Variants in DLEU7 observed in about 807,000 individuals in gnomAD.
DLEU7 encodes the protein leukemia-associated protein 7.
A neutral mutation model predicts 16.0 loss-of-function variants in DLEU7; 17 were observed. The ratio of observed to expected loss-of-function variants is 1.06; its 90% CI spans 0.73 to 1.59. The LOEUF (loss-of-function observed/expected upper bound fraction) is 1.59. Ranked by LOEUF, DLEU7 falls within the 40% of genes most tolerant of loss-of-function variation. DLEU7 has a pLI of 0.00. For synonymous variants in DLEU7, 113 were observed against 139.8 expected, an observed-to-expected ratio of 0.81 and a Z score of 1.35; for missense variants, 308 against 314.9, an observed-to-expected ratio of 0.98 and a Z score of 0.17.
At position 50,713,918 on chromosome 13, in the gene DLEU7, G is replaced by A. The variant is rs370772326; in HGVS notation, c.460-678C>T. Among the ~76,000 whole-genome samples, 7 of 152,158 alleles carry A rather than the reference G, an allele frequency of 4.6e-5. No homozygotes were observed. The East Asian group carries it at 7.7e-4, about 17-fold the overall frequency. On this transcript the variant is annotated intron_variant, in intron 1 of 1. Coordinates refer to the DLEU7 transcript ENST00000400393. ...TGTGAAAACGACCCAGACTCTGCCC[G>A]CATGTGGCCTCCCGGACCGGGCAGT...
At chr13:50,793,490 T>C (rs1412861427) in intron 1 of DLEU7, among the ~76,000 whole-genome samples, 1 of 152,230 alleles carries the variant, frequency 6.6e-6, no homozygotes, top group African/African-American at 2.4e-5. Flanking sequence ...AGGGTTCCCT[T>C]TTCTCTGCAG....
exon 2 of DLEU7, chr13:50,713,068 G>GAGACCAAT (rs1873341947): frequency 1.2e-6 from 1 of 803,702 alleles, no homozygotes; most frequent in East Asian, 2.7e-5. Flanking sequence ...CATGCAATTG[G>GAGACCAAT]AGACCAATAC....
At chr13:50,797,710 G>A (rs1876141883) in intron 1 of DLEU7, among the ~76,000 whole-genome samples, 1 of 152,156 alleles carries the variant, frequency 6.6e-6, no homozygotes, top group African/African-American at 2.4e-5. Flanking sequence ...CAGAGATGCA[G>A]ATTCACTTAT....
At chr13:50,814,313 C>T (rs1157251996) in intron 1 of DLEU7, among the ~76,000 whole-genome samples, 1 of 151,960 alleles carries the variant, frequency 6.6e-6, no homozygotes, top group East Asian at 1.9e-4. Context: ...TCCACCCATC[C>T]ATCCATCCAT....
exon 2 of DLEU7, chr13:50,712,742 A>G (rs1444160268): frequency 6.4e-6 from 1 of 157,216 alleles, no homozygotes; most frequent in Non-Finnish European, 1.4e-5. Flanking sequence ...CCATCTGGTC[A>G]AAGGAAGAAA....
chr13:50,738,116 C>T (rs747893170), intron 1 of DLEU7, among the ~76,000 whole-genome samples: 7 of 152,236 alleles, frequency 4.6e-5, no homozygotes, highest in Non-Finnish European at 7.4e-5. Flanking sequence ...GACCCTGACT[C>T]TTTTCAATTC....
At chr13:50,772,204 C>A (rs1045793557) in intron 1 of DLEU7, among the ~76,000 whole-genome samples, 14 of 152,254 alleles carry the variant, frequency 9.2e-5, no homozygotes, top group African/African-American at 2.9e-4. Flanking sequence ...ACTGATGGGT[C>A]TTGACTCTTT....
chr13:50,758,703 T>C (rs549806660), intron 1 of DLEU7, among the ~76,000 whole-genome samples: 1 of 152,330 alleles, frequency 6.6e-6, no homozygotes, highest in South Asian at 2.1e-4. Flanking sequence ...CCTCCCTCAG[T>C]TCCTTGTCAC....
chr13:50,728,985 A>G lies in DLEU7; in HGVS notation c.460-15745T>C, dbSNP rs374616469. 2.4e-4 allele frequency among the ~76,000 whole-genome samples: 36 copies of G among 152,202 alleles called. No individual in the cohort carries two copies. In the South Asian group the frequency reaches 5.0e-3, roughly 21 times the overall value. ...CACCTGCACAGTTGAAAATCTTTGT[A>G]TAACTTTTTTTTCAGAATTCTATCA... On this transcript the variant is annotated intron_variant, in intron 1 of 1. Transcript: ENST00000400393.
intron 1 of DLEU7, among the ~76,000 whole-genome samples, chr13:50,826,608 G>A (rs1264479568): frequency 6.6e-6 from 1 of 152,184 alleles, no homozygotes; most frequent in Non-Finnish European, 1.5e-5. Context: ...GAGAACAACA[G>A]ACAGAATGAG....
In DLEU7 at chr13:50,843,383, C is replaced by T; in HGVS notation, c.264G>A (p.Glu88=). 1 of 1,399,470 alleles carries T rather than the reference C, an allele frequency of 7.1e-7. No homozygotes were observed. The highest frequency in any genetic ancestry group is 1.6e-5 in the South Asian group (1 of 63,990). The allele number at this position is 1,399,470 out of a possible 1,614,324, so 86.7% of individuals were successfully genotyped here. Residue 88 remains glutamate (E), a synonymous_variant, in exon 1 of 2, where the codon GAG becomes GAA. Transcript: ENST00000504404. The surrounding 1 kb of genome is among the most constrained non-coding windows in gnomAD (Gnocchi z 5.7). The stretch of plus-strand genomic sequence containing the variant: ...CCCCCTCAGCGCCTCGCACTACCTC[C>T]TCCTCTGGGGAGTTCGCCCGCGCCG... ...RTAARANSPE[E]EVVRGAEGGA... is the part of the protein sequence containing the mutation.
rs186124553 is a variant in DLEU7, at chr13:50,767,317, G to T, written c.460-54077C>A. On this transcript the variant is annotated intron_variant, in intron 1 of 1. Transcript: ENST00000400393. ...AAAAAATACAAAAAATTAGCCGGGC[G>T]TGGTGGCGGGCGCCTGTAGTCCCAG... Among the ~76,000 whole-genome samples, 237 of 152,160 alleles carry T rather than the reference G, an allele frequency of 1.6e-3. 1 individual carries two copies. The highest frequency in any genetic ancestry group is 5.2e-3 in the African/African-American group (215 of 41,526).
At chr13:50,733,345 C>T (rs1466655512) in intron 1 of DLEU7, among the ~76,000 whole-genome samples, 1 of 152,170 alleles carries the variant, frequency 6.6e-6, no homozygotes, top group African/African-American at 2.4e-5. Flanking sequence ...CATATTTCTC[C>T]CTAGATGAAT....
chr13:50,797,404 C>T (rs1003084761), intron 1 of DLEU7, among the ~76,000 whole-genome samples: 4 of 152,172 alleles, frequency 2.6e-5, no homozygotes, highest in African/African-American at 4.8e-5. Context: ...GTTCCAGACA[C>T]GGGAGCCTTC....
intron 1 of DLEU7, among the ~76,000 whole-genome samples, chr13:50,833,581 GGAA>G (rs1440274720): frequency 2.6e-5 from 4 of 152,172 alleles, no homozygotes; most frequent in Non-Finnish European, 5.9e-5. Flanking sequence ...CTCATGGATA[GGAA>G]GAATGAATAT....
chr13:50,792,623 TAA>T (rs1273281690), intron 1 of DLEU7, among the ~76,000 whole-genome samples: 2 of 151,908 alleles, frequency 1.3e-5, no homozygotes, highest in African/African-American at 4.8e-5. Context: ...GAACTGAACT[TAA>T]TCAATCAAAT....
chr13:50,753,621 C>T (rs191673793), intron 1 of DLEU7, among the ~76,000 whole-genome samples: 63 of 152,332 alleles, frequency 4.1e-4, no homozygotes, highest in Admixed American at 1.4e-3. Flanking sequence ...CCCGAGCCCA[C>T]GCCCACCCGG....
intron 1 of DLEU7, among the ~76,000 whole-genome samples, chr13:50,735,851 A>G (rs1419389634): frequency 1.3e-5 from 2 of 152,176 alleles, no homozygotes; most frequent in African/African-American, 4.8e-5. Flanking sequence ...AACGTCAAAA[A>G]ATAACAGATG....
chr13:50,833,259 C>T (rs1877338226), intron 1 of DLEU7, among the ~76,000 whole-genome samples: 1 of 152,134 alleles, frequency 6.6e-6, no homozygotes, highest in Non-Finnish European at 1.5e-5. Flanking sequence ...AGTCAAATTG[C>T]CTCTGTTTGC....
Sources: gnomAD v4.1 joint callset for allele counts (sites outside exome capture counted in the v4.1 genomes callset) on GRCh38, gnomAD v4.1.1 for gene constraint, Gnocchi (gnomAD v3.1) non-coding constraint, MANE v1.5 for transcripts, NCBI Gene and HGNC (gene_info 2026-07-23, HGNC 2026-07-21) for gene names.